ACTR3: variants seen among roughly 807,000 people sequenced by gnomAD.
The protein encoded by ACTR3 is actin related protein 3.
Under a neutral mutation model 56.8 loss-of-function variants are expected in ACTR3, and 12 were observed. The observed-to-expected ratio is 0.21, with a 90% CI of 0.14 to 0.34. The LOEUF (loss-of-function observed/expected upper bound fraction) is 0.34. Among genes scored for constraint, ACTR3 ranks in the 10% least tolerant of loss-of-function variants. ACTR3 has a pLI of 1.00. For missense variants in ACTR3, 282 were observed against 512.5 expected, an observed-to-expected ratio of 0.55 and a Z score of 4.34; for synonymous variants, 162 against 167.4, an observed-to-expected ratio of 0.97 and a Z score of 0.25.
chr2:113,934,110 A>C, intron 5 of ACTR3, 169 bp from the exon 6 acceptor site: 1 of 563,212 alleles, frequency 1.8e-6, no homozygotes, highest in South Asian at 2.3e-5. Flanking sequence ...GGAGTGAGCT[A>C]TTTTATTGCA....
intron 4 of ACTR3, among the ~76,000 whole-genome samples, chr2:113,929,142 T>G (rs2104607193): frequency 6.6e-6 from 1 of 150,510 alleles, no homozygotes; most frequent in East Asian, 2.0e-4. Context: ...TTTTTTTTTG[T>G]TTTTGTTTTT....
At chr2:113,919,357 T>C (rs1679465040) in intron 3 of ACTR3, among the ~76,000 whole-genome samples, 3 of 152,226 alleles carry the variant, frequency 2.0e-5, no homozygotes, top group Admixed American at 2.0e-4. Context: ...TAGGTTATTT[T>C]CCCTGTGTGT....
At chr2:113,952,259 C>T (rs749860297) in intron 10 of ACTR3, 1 of 159,988 alleles carries the variant, frequency 6.3e-6, no homozygotes, top group Non-Finnish European at 1.4e-5. Context: ...CTTTAGCTCC[C>T]ACATAGCAAC....
At chr2:113,911,524 A>G (rs536767600) in intron 1 of ACTR3, among the ~76,000 whole-genome samples, 29 of 150,864 alleles carry the variant, frequency 1.9e-4, no homozygotes, top group African/African-American at 6.4e-4. Flanking sequence ...GGTTCAGGCA[A>G]TTCTCCTGCC....
Position 113,901,263 on chromosome 2 carries a change from CAGG to C in ACTR3, c.44+10943_44+10945del, listed in dbSNP as rs1679093945. On this transcript the variant is annotated intron_variant, in intron 1 of 11. Coordinates refer to ENST00000263238, the MANE Select transcript of ACTR3 (RefSeq NM_005721.5). ...AATCCAGCTACTCGGGAGGCTGAGT[CAGG>C]AGAATCGCTTGAACCTGGGAGGCAG... is the stretch of plus-strand genomic sequence containing the variant. 1.3e-5 allele frequency among the ~76,000 whole-genome samples: 2 copies of C among 152,362 alleles called. 1 individual carries two copies. Among genetic ancestry groups the C allele is most frequent in the Admixed American group, 1.3e-4 (2 of 15,308 alleles).
intron 1 of ACTR3, among the ~76,000 whole-genome samples, chr2:113,900,196 T>A (rs1679074444): frequency 6.6e-6 from 1 of 152,168 alleles, no homozygotes; most frequent in Non-Finnish European, 1.5e-5. Context: ...CATTTTTTTT[T>A]AATGCCTGGA....
At chr2:113,905,534 G>A (rs951034617) in intron 1 of ACTR3, among the ~76,000 whole-genome samples, 1 of 151,510 alleles carries the variant, frequency 6.6e-6, no homozygotes, top group Non-Finnish European at 1.5e-5. Context: ...ATTTCTAAGT[G>A]TGCAGTTTAG....
chr2:113,926,223 T>C (rs1334857433), intron 3 of ACTR3, among the ~76,000 whole-genome samples: 1 of 152,250 alleles, frequency 6.6e-6, no homozygotes, highest in East Asian at 1.9e-4. Context: ...TGCCAGCAAC[T>C]GCTGACAAAC....
At chr2:113,903,893 G>C (rs1010342095) in intron 1 of ACTR3, among the ~76,000 whole-genome samples, 1 of 148,952 alleles carries the variant, frequency 6.7e-6, no homozygotes, top group African/African-American at 2.5e-5. Flanking sequence ...GTCTTACTCT[G>C]TTGCCAAGGC....
chr2:113,949,992 T>G (rs1180831145), intron 8 of ACTR3, among the ~76,000 whole-genome samples: 1 of 152,232 alleles, frequency 6.6e-6, no homozygotes, highest in Non-Finnish European at 1.5e-5. Flanking sequence ...AGCTGATGTT[T>G]GTTATTCAAA....
rs1159099201 is a variant in ACTR3, at chr2:113,959,558, C to T, written c.*2103C>T. 6.6e-6 allele frequency: 1 copy of T among 152,028 alleles called. No individual in the cohort carries two copies. Among genetic ancestry groups the T allele is most frequent in the Non-Finnish European group, 1.5e-5 (1 of 67,930 alleles). 9.4% of individuals were successfully genotyped at this position (152,028 alleles called of 1,614,324 possible). ...AAACTTTCTTGAAGCTTACGCTTAA[C>T]TTATTTGGGGAAACAAAACTCCAGC... On this transcript the variant is annotated 3_prime_UTR_variant, in exon 12 of 12. Coordinates refer to ENST00000263238, the MANE Select transcript of ACTR3 (RefSeq NM_005721.5).
intron 8 of ACTR3, among the ~76,000 whole-genome samples, chr2:113,942,933 G>A (rs1008846842): frequency 5.3e-5 from 8 of 151,944 alleles, no homozygotes; most frequent in East Asian, 1.9e-4. Context: ...CTAATATTAC[G>A]TACTTACTCT....
At chr2:113,936,574 C>CTTTG (rs1679831429) in intron 6 of ACTR3, among the ~76,000 whole-genome samples, 1 of 152,180 alleles carries the variant, frequency 6.6e-6, no homozygotes, top group Admixed American at 6.5e-5. Flanking sequence ...CTTTGACCTT[C>CTTTG]TAGTCTTTGT....
chr2:113,905,479 A>T (rs1273176500), intron 1 of ACTR3, among the ~76,000 whole-genome samples: 27 of 145,440 alleles, frequency 1.9e-4, no homozygotes, highest in South Asian at 4.2e-4. Context: ...AAAAAAAAAA[A>T]TTTTTTTTTT....
chr2:113,951,469 T>A lies in ACTR3; in HGVS notation c.859-10T>A. 6.3e-7 allele frequency: 1 copy of A among 1,575,644 alleles called. No individual in the cohort carries two copies. Among genetic ancestry groups the A allele is most frequent in the Non-Finnish European group, 8.7e-7 (1 of 1,145,696 alleles). On this transcript the variant is annotated splice_polypyrimidine_tract_variant and intron_variant, in intron 8 of 11. Transcript: ENST00000263238. ...TATGATCTCTATTATATATCCAACT[T>A]ATTTTTCAGTTTGCTAATCCAGACT...
At chr2:113,923,346 G>T (rs1033903526) in intron 3 of ACTR3, among the ~76,000 whole-genome samples, 13 of 34,586 alleles carry the variant, frequency 3.8e-4, no homozygotes, top group African/African-American at 4.9e-4. Flanking sequence ...TTGTTTGTTT[G>T]TTTGTTTTTG....
chr2:113,897,329 A>G (rs1679025287), intron 1 of ACTR3, among the ~76,000 whole-genome samples: 1 of 152,084 alleles, frequency 6.6e-6, no homozygotes, highest in Non-Finnish European at 1.5e-5. Flanking sequence ...TACATAATTG[A>G]CTAATACCAG....
At chr2:113,923,248 A>C (rs1401749557) in intron 3 of ACTR3, among the ~76,000 whole-genome samples, 1 of 152,170 alleles carries the variant, frequency 6.6e-6, no homozygotes, top group Admixed American at 6.5e-5. Flanking sequence ...TATATGTAAC[A>C]GTTTTCATCC....
chr2:113,902,842 G>T (rs950221510), intron 1 of ACTR3, among the ~76,000 whole-genome samples: 1 of 152,062 alleles, frequency 6.6e-6, no homozygotes, highest in Non-Finnish European at 1.5e-5. Flanking sequence ...TCAGGTGATC[G>T]CCCGCCTGGG....
Sources: gnomAD v4.1 joint callset for allele counts (sites outside exome capture counted in the v4.1 genomes callset) on GRCh38, gnomAD v4.1.1 for gene constraint, MANE v1.5 for transcripts, NCBI Gene and HGNC (gene_info 2026-07-23, HGNC 2026-07-21) for gene names.